MSR1: variants seen among roughly 807,000 people sequenced by gnomAD.
MSR1 encodes macrophage scavenger receptor 1.
In MSR1, 53 loss-of-function variants were observed where a neutral mutation model predicts 47.2. The observed-to-expected ratio is 1.12, with a 90% CI of 0.90 to 1.41. The LOEUF (loss-of-function observed/expected upper bound fraction) is 1.41, where lower values mean the gene tolerates loss of function less well. Ranked by LOEUF, MSR1 falls within the 40% of genes most tolerant of loss-of-function variation. The pLI is 0.00. For synonymous variants in MSR1, 239 were observed against 185.6 expected, an observed-to-expected ratio of 1.29 and a Z score of -2.34; for missense variants, 786 against 546.9, an observed-to-expected ratio of 1.44 and a Z score of -4.36.
intron 3 of MSR1, among the ~76,000 whole-genome samples, chr8:16,174,571 C>T (rs74722300): frequency 2.0e-5 from 3 of 151,998 alleles, no homozygotes; most frequent in East Asian, 3.9e-4. Flanking sequence ...CCAAGTATCA[C>T]GTTGTATATT....
chr8:16,167,120 C>T (rs1801335229), intron 4 of MSR1, among the ~76,000 whole-genome samples: 2 of 152,162 alleles, frequency 1.3e-5, no homozygotes, highest in African/African-American at 4.8e-5. Flanking sequence ...TCTATCGAAA[C>T]TCAAACAGCT....
intron 9 of MSR1, among the ~76,000 whole-genome samples, chr8:16,116,375 G>A (rs535215278): frequency 2.6e-5 from 4 of 152,184 alleles, no homozygotes; most frequent in African/African-American, 9.6e-5. Flanking sequence ...ACTAGATGCT[G>A]AAAAAATGTA....
In MSR1 at chr8:16,168,772, CTTCGCTGTCATTTCCTT is replaced by C. The variant is rs1473372900; in HGVS notation, c.299_315del (p.Lys100ArgfsTer44). 2.5e-6 allele frequency: 4 copies of C among 1,614,010 alleles called. No individual in the cohort carries two copies. In the African/African-American group the frequency reaches 5.3e-5, roughly 22 times the overall value. ...AAGACTTCTTGAAATCTCATTTCCTCTTCGCTGTCATTTCCTTTTCCCGTGAGACTTTGAGTTATATC... is the reference window on the plus strand; with the variant it reads ...AAGACTTCTTGAAATCTCATTTCCTCTTCCCGTGAGACTTTGAGTTATATC... On this transcript the variant is annotated frameshift_variant, in exon 4 of 10. Transcript: ENST00000262101. LOFTEE classifies it high-confidence loss of function.
chr8:16,120,159 C>T (rs1238212431), intron 9 of MSR1, among the ~76,000 whole-genome samples: 1 of 151,810 alleles, frequency 6.6e-6, no homozygotes, highest in East Asian at 2.0e-4. Flanking sequence ...GGGCAGATCA[C>T]GAGGTCAGGA....
intron 6 of MSR1, among the ~76,000 whole-genome samples, chr8:16,154,007 T>C (rs1800931128): frequency 6.6e-6 from 1 of 151,924 alleles, no homozygotes; most frequent in East Asian, 1.9e-4. Flanking sequence ...TTTATATATA[T>C]AAAACATGTG....
In MSR1 at chr8:16,120,508, G is replaced by A. The variant is rs575970204; in HGVS notation, c.1132C>T (p.Arg378Cys). ...ACCTGTCCAACGCGCACTTCCCAGC[G>A]ATCGTCACAAATTGTACCCCACTGG... ...SGQWGTICDD[R>C]WEVRVGQVVC... Residue 378 changes from arginine (R) to cysteine (C), a missense_variant, in exon 9 of 10, where the codon CGC (arginine) becomes TGC (cysteine). Transcript: ENST00000262101. 3 of 1,613,154 alleles carry A rather than the reference G, an allele frequency of 1.9e-6. No homozygotes were observed. The highest frequency in any genetic ancestry group is 1.1e-5 in the South Asian group (1 of 91,042).
intron 1 of MSR1, among the ~76,000 whole-genome samples, chr8:16,188,687 G>C (rs2116944276): frequency 6.6e-6 from 1 of 151,954 alleles, no homozygotes; most frequent in Admixed American, 6.6e-5. Context: ...ACAGGCCCCG[G>C]TGTGTGATGC....
rs566694055 is a variant in MSR1 at position 16,153,414 on chromosome 8, A to C, written c.898+1650T>G. Among the ~76,000 whole-genome samples the C allele has an allele frequency of 3.2e-4, 48 of 152,148 alleles. 1 individual carries two copies. The South Asian group carries it at 9.7e-3, about 31-fold the overall frequency. On this transcript the variant is annotated intron_variant, in intron 6 of 9. Coordinates refer to ENST00000262101, the MANE Select transcript of MSR1 (RefSeq NM_138715.3). ...AAATGGTAACCTGATAACCTAGAAG[A>C]GTCATTGATTACCCCAGGAACTCGA...
intron 8 of MSR1, among the ~76,000 whole-genome samples, chr8:16,125,517 A>C (rs1800109450): frequency 6.6e-6 from 1 of 152,142 alleles, no homozygotes; most frequent in African/African-American, 2.4e-5. Context: ...TTTTAAAGGC[A>C]ATCTCACTAT....
chr8:16,134,968 C>T (rs1435785039), intron 8 of MSR1, among the ~76,000 whole-genome samples: 1 of 152,128 alleles, frequency 6.6e-6, no homozygotes, highest in African/African-American at 2.4e-5. Context: ...GGTGAGGAAA[C>T]TGCAGGAGAA....
intron 8 of MSR1, among the ~76,000 whole-genome samples, chr8:16,128,879 TTAA>T (rs1390061175): frequency 6.6e-6 from 1 of 151,270 alleles, no homozygotes; most frequent in African/African-American, 2.5e-5. Context: ...TTTTAATACG[TTAA>T]TAATAATAAT....
intron 1 of MSR1, among the ~76,000 whole-genome samples, chr8:16,183,304 C>T (rs1419909284): frequency 3.3e-5 from 5 of 151,900 alleles, no homozygotes; most frequent in African/African-American, 7.3e-5. Flanking sequence ...AAGCTGAAGA[C>T]TTTTGAATCT....
At chr8:16,131,204 T>C (rs948271664) in intron 8 of MSR1, among the ~76,000 whole-genome samples, 3 of 152,134 alleles carry the variant, frequency 2.0e-5, no homozygotes, top group East Asian at 3.9e-4. Context: ...TGGTATCTCA[T>C]TGTGCTTTTG....
chr8:16,188,845 CT>C (rs1802076432), intron 1 of MSR1, among the ~76,000 whole-genome samples: 1 of 151,696 alleles, frequency 6.6e-6, no homozygotes, highest in Non-Finnish European at 1.5e-5. Context: ...ATCAACTCAT[CT>C]TTTTTATGGC....
At position 16,130,009 on chromosome 8, in the gene MSR1, C is replaced by T. The variant is rs529820629; in HGVS notation, c.1034-9403G>A. On this transcript the variant is annotated intron_variant, in intron 8 of 9. Coordinates refer to ENST00000262101, the MANE Select transcript of MSR1 (RefSeq NM_138715.3). ...GTGGAGTGTTGGGCCTCTGCTTCAT[C>T]TGCATTCCTGCACATAATTGCATGA... 3.9e-5 allele frequency among the ~76,000 whole-genome samples: 6 copies of T among 152,144 alleles called. 1 individual carries two copies. Among genetic ancestry groups the T allele is most frequent in the Non-Finnish European group, 8.8e-5 (6 of 68,020 alleles).
chr8:16,133,100 A>T (rs571691413), intron 8 of MSR1, among the ~76,000 whole-genome samples: 4 of 152,220 alleles, frequency 2.6e-5, no homozygotes, highest in African/African-American at 9.6e-5. Flanking sequence ...ATTATTAGTA[A>T]AATATGGGGA....
intron 9 of MSR1, among the ~76,000 whole-genome samples, chr8:16,113,319 A>G (rs1363612926): frequency 6.6e-6 from 1 of 152,112 alleles, no homozygotes; most frequent in Non-Finnish European, 1.5e-5. Flanking sequence ...CTTTAATCTT[A>G]CCAGCATTTC....
chr8:16,185,447 C>A (rs550800473), intron 1 of MSR1, among the ~76,000 whole-genome samples: 1 of 152,266 alleles, frequency 6.6e-6, no homozygotes, highest in South Asian at 2.1e-4. Flanking sequence ...CATCCATTTA[C>A]ATCATCTATT....
chr8:16,140,478 C>A (rs911905273), intron 8 of MSR1: 3 of 989,708 alleles, frequency 3.0e-6, no homozygotes, highest in Non-Finnish European at 3.6e-6. Context: ...AGTCTCATTG[C>A]GCATGAGCAA....
Sources: allele counts gnomAD v4.1 joint callset (sites outside exome capture counted in the v4.1 genomes callset), GRCh38; gene constraint gnomAD v4.1.1; transcripts MANE v1.5; gene names NCBI Gene and HGNC (gene_info 2026-07-23, HGNC 2026-07-21).